ADGRD2: variants seen among roughly 807,000 people sequenced by gnomAD.
ADGRD2 encodes adhesion G protein-coupled receptor D2.
Under a neutral mutation model 44.4 loss-of-function variants are expected in ADGRD2, and 71 were observed. That is an observed-to-expected ratio of 1.60 (90% CI 1.32 to 1.95). ADGRD2 has a LOEUF of 1.95. ADGRD2 is among the 30% of genes most tolerant of loss of function. The pLI is 0.00. For synonymous variants in ADGRD2, 481 were observed against 224.8 expected (o/e 2.14, Z -10.19); for missense variants, 1,039 against 512.4 (o/e 2.03, Z -9.92).
chr9:124,476,510 C>T (rs1011359840), intron 20 of ADGRD2, 95 bp downstream of exon 23: 32 of 652,064 alleles, frequency 4.9e-5, no homozygotes, highest in African/African-American at 4.3e-4. Flanking sequence ...TGGGTAGGGC[C>T]GGGGTGGGGG....
chr9:124,452,012 A>ACCCCC, upstream of ADGRD2: 1 of 129,012 alleles, frequency 7.8e-6, no homozygotes, highest in Non-Finnish European at 1.6e-5. Flanking sequence ...CCTCCCACCC[A>ACCCCC]CCCCCAGAGT....
At chr9:124,470,461 CA>C (rs769276042) in intron 16 of ADGRD2, 32 bp from the exon 20 acceptor site, 12 of 700,168 alleles carry the variant, frequency 1.7e-5, no homozygotes, top group Non-Finnish European at 1.1e-5. Context: ...CCAGGCCTCC[CA>C]ACCCCCGTCA....
intron 17 of ADGRD2, among the ~76,000 whole-genome samples, chr9:124,473,625 C>G (rs966792965): frequency 8.5e-5 from 13 of 152,220 alleles, no homozygotes; most frequent in African/African-American, 2.9e-4. Flanking sequence ...CGCTGGGGGA[C>G]ATGGAGATGC....
At chr9:124,451,465 C>T (rs1831466450), upstream of ADGRD2, 2 of 349,896 alleles carry the variant, frequency 5.7e-6, no homozygotes, top group Non-Finnish European at 1.1e-5. Flanking sequence ...GGTGGGCCAC[C>T]CCATCCTGGG....
chr9:124,468,682 G>T lies in ADGRD2; in HGVS notation c.2387+10G>T. 1.4e-6 allele frequency: 1 copy of T among 710,438 alleles called. No homozygotes were observed. Among genetic ancestry groups the T allele is most frequent in the African/African-American group, 1.7e-5 (1 of 57,314 alleles). 44.0% of individuals were successfully genotyped at this position (710,438 alleles called of 1,614,324 possible). ...CACGCCACAGGCTGGGGTGAGGCCTGCTCTGCACCCACACTCTCTTCTCCT... is the reference window on the plus strand; with the variant it reads ...CACGCCACAGGCTGGGGTGAGGCCTTCTCTGCACCCACACTCTCTTCTCCT... On this transcript the variant is annotated intron_variant, in intron 14 of 21. Transcript: ENST00000334810.
Position 124,453,248 on chromosome 9 carries a change from TC to T in ADGRD2, c.496del (p.Val167CysfsTer98). 3.6e-6 allele frequency: 2 copies of T among 555,190 alleles called. No individual in the cohort carries two copies. Among genetic ancestry groups the T allele is most frequent in the South Asian group, 4.4e-5 (2 of 45,562 alleles). The allele number at this position is 555,190 out of a possible 1,614,324, so 34.4% of individuals were successfully genotyped here. A position where few individuals can be genotyped will look rare whatever the true frequency, so the allele number is the denominator to read the frequency against. On this transcript the variant is annotated frameshift_variant, in exon 3 of 22. Coordinates refer to ENST00000334810, the Ensembl canonical transcript of ADGRD2. LOFTEE classifies it high-confidence loss of function. Reference sequence around the variant, plus strand: ...CGCGCCTTCGCCGAGCCGGGGGGCGTCGTGCGCGCTGCGCTGGTGGTGCGTG... The same window carrying T: ...CGCGCCTTCGCCGAGCCGGGGGGCGTGTGCGCGCTGCGCTGGTGGTGCGTG...
intron 12 of ADGRD2, 92 bp from the exon 16 acceptor site, chr9:124,467,996 C>T (rs1831860883): frequency 1.4e-6 from 1 of 712,682 alleles, no homozygotes; most frequent in Admixed American, 2.0e-5. Context: ...CCTCCATCTG[C>T]CCAGGCACAG....
intron 14 of ADGRD2, 141 bp downstream of exon 17, chr9:124,468,813 A>G: frequency 1.6e-6 from 1 of 609,010 alleles, no homozygotes. Flanking sequence ...CCCAGAACCC[A>G]GCACCACCCA....
At chr9:124,475,759 C>G (rs1372164215) in intron 19 of ADGRD2, 144 bp downstream of exon 22, 2 of 551,798 alleles carry the variant, frequency 3.6e-6, no homozygotes, top group African/African-American at 2.0e-5. Context: ...GGAGGCAGCC[C>G]GAGGGAGCCC....
chr9:124,470,759 G>A (rs1036707621), intron 17 of ADGRD2, 145 bp downstream of exon 20: 1 of 586,136 alleles, frequency 1.7e-6, no homozygotes. Flanking sequence ...TCTAAGAAGG[G>A]GTTTTGAGGG....
At chr9:124,474,733 T>C (rs1202140700) in intron 17 of ADGRD2, among the ~76,000 whole-genome samples, 1 of 152,188 alleles carries the variant, frequency 6.6e-6, no homozygotes, top group Non-Finnish European at 1.5e-5. Context: ...TAGGATCCAT[T>C]CCTCTGCCCC....
intron 10 of ADGRD2, among the ~76,000 whole-genome samples, chr9:124,462,489 CTG>C (rs1256312083): frequency 1.3e-5 from 2 of 152,186 alleles, no homozygotes; most frequent in Non-Finnish European, 2.9e-5. Context: ...ATCGCATTGA[CTG>C]TGTATATCAA....
exon 10 of ADGRD2, chr9:124,458,674 G>C: frequency 1.4e-6 from 1 of 718,704 alleles, no homozygotes; most frequent in Non-Finnish European, 2.6e-6. Context: ...GGACGTCACT[G>C]GAGAGGTCAA....
intron 12 of ADGRD2, 35 bp from the exon 16 acceptor site, chr9:124,468,053 G>A (rs1252736290): frequency 1.4e-6 from 1 of 718,290 alleles, no homozygotes. Flanking sequence ...ACCAGCAGTG[G>A]TGTTCTTGTT....
chr9:124,469,284 G>T lies in ADGRD2; in HGVS notation c.2452G>T (p.Gly818Ter). Residue 818 changes from glycine to a stop codon, truncating the protein, a stop_gained, in exon 15 of 22, where the codon GGA becomes TGA. Transcript: ENST00000334810. LOFTEE classifies it high-confidence loss of function. ...GCTCCCCCATGACTACGTGGCCCCC[G>T]GACATTGCTGGCTCAATGTGCACAC... is the stretch of plus-strand genomic sequence containing the variant. 2.8e-6 allele frequency: 2 copies of T among 717,964 alleles called. No individual in the cohort carries two copies. The highest frequency in any genetic ancestry group is 2.7e-5 in the East Asian group (1 of 37,296). The allele number at this position is 717,964 out of a possible 1,614,324, so 44.5% of individuals were successfully genotyped here.
intron 17 of ADGRD2, among the ~76,000 whole-genome samples, chr9:124,474,136 G>A (rs1353240933): frequency 6.6e-6 from 1 of 152,142 alleles, no homozygotes; most frequent in Admixed American, 6.5e-5. Flanking sequence ...TTAGCTGGGT[G>A]TGGTGGCACA....
intron 7 of ADGRD2, among the ~76,000 whole-genome samples, chr9:124,457,115 G>C (rs1212465052): frequency 1.3e-5 from 2 of 152,194 alleles, no homozygotes; most frequent in African/African-American, 4.8e-5. Flanking sequence ...AGCCATCTCA[G>C]CATCTTGGGG....
intron 2 of ADGRD2, 92 bp downstream of exon 5, chr9:124,452,814 G>A: frequency 3.1e-6 from 2 of 647,660 alleles, no homozygotes; most frequent in South Asian, 3.4e-5. Context: ...TTTGCAGAAT[G>A]AGCCGGGAGT....
intron 17 of ADGRD2, among the ~76,000 whole-genome samples, chr9:124,472,568 A>G (rs941050404): frequency 2.0e-5 from 3 of 151,996 alleles, no homozygotes; most frequent in Admixed American, 6.6e-5. Context: ...GTGCAGTGGC[A>G]TGATCTTGGC....
Sources: gnomAD v4.1 joint callset for allele counts (sites outside exome capture counted in the v4.1 genomes callset) on GRCh38, gnomAD v4.1.1 for gene constraint, MANE v1.5 for transcripts, NCBI Gene and HGNC (gene_info 2026-07-23, HGNC 2026-07-21) for gene names.